The following RAMP1 variants were observed in gnomAD, a reference collection of about 807,000 sequenced individuals.
The protein encoded by RAMP1 is receptor activity modifying protein 1.
In RAMP1, 7 loss-of-function variants were observed where a neutral mutation model predicts 8.2. The ratio of observed to expected loss-of-function variants is 0.85; its 90% confidence interval spans 0.49 to 1.60. The LOEUF (loss-of-function observed/expected upper bound fraction) is 1.60. RAMP1 is among the 40% of genes most tolerant of loss of function. RAMP1 has a pLI of 0.00. For synonymous variants in RAMP1, 92 were observed against 84.7 expected (o/e 1.09, Z -0.47); for missense variants, 192 against 202.4 (o/e 0.95, Z 0.31).
chr2:237,867,215 A>G (rs1398161316), intron 1 of RAMP1, among the ~76,000 whole-genome samples: 1 of 152,110 alleles, frequency 6.6e-6, no homozygotes, highest in Non-Finnish European at 1.5e-5. Flanking sequence ...AGCGTGGGCA[A>G]TAGAGTGAGA....
chr2:237,896,840 A>T (rs1042768112), intron 2 of RAMP1, among the ~76,000 whole-genome samples: 1 of 150,816 alleles, frequency 6.6e-6, no homozygotes, highest in African/African-American at 2.5e-5. Flanking sequence ...GAGATGGGGG[A>T]GTCTCTCTGT....
At chr2:237,859,859 T>C (rs2062115462) in intron 1 of RAMP1, 132 bp downstream of exon 1, 3 of 880,226 alleles carry the variant, frequency 3.4e-6, no homozygotes, top group African/African-American at 1.8e-5. Context: ...ACAGATCCGC[T>C]GCCCTTGAAC....
intron 2 of RAMP1, among the ~76,000 whole-genome samples, chr2:237,896,596 T>C (rs1209199049): frequency 2.0e-5 from 3 of 152,338 alleles, no homozygotes; most frequent in Non-Finnish European, 4.4e-5. Context: ...CCTCGGGTGA[T>C]GTGAGAAGCA....
intron 2 of RAMP1, among the ~76,000 whole-genome samples, chr2:237,895,824 G>A (rs1279026912): frequency 1.3e-5 from 2 of 152,174 alleles, no homozygotes; most frequent in African/African-American, 4.8e-5. Flanking sequence ...CCCCCAGGGT[G>A]TTAGCATCCA....
At chr2:237,859,589 C>A (rs571831311), upstream of RAMP1, 147 of 1,010,764 alleles carry the variant, frequency 1.5e-4, 1 homozygote, top group African/African-American at 2.3e-3. Context: ...CCGCCCCCGG[C>A]GCGTCTCCTC....
intron 1 of RAMP1, among the ~76,000 whole-genome samples, chr2:237,868,197 C>T (rs907707153): frequency 6.6e-6 from 1 of 152,096 alleles, no homozygotes; most frequent in Admixed American, 6.6e-5. Context: ...GTGCCTGCCA[C>T]CATGTCCAGC....
At chr2:237,864,460 C>T (rs950583965) in intron 1 of RAMP1, among the ~76,000 whole-genome samples, 2 of 152,204 alleles carry the variant, frequency 1.3e-5, no homozygotes, top group Non-Finnish European at 2.9e-5. Context: ...TTTCTTGCCT[C>T]TGGAGGAGAC....
intron 2 of RAMP1, among the ~76,000 whole-genome samples, chr2:237,904,687 A>T (rs546195523): frequency 6.6e-6 from 1 of 152,326 alleles, no homozygotes; most frequent in African/African-American, 2.4e-5. Context: ...TTAGACACAC[A>T]TTGCCTGGTC....
intron 2 of RAMP1, among the ~76,000 whole-genome samples, chr2:237,894,618 C>G (rs995007251): frequency 6.6e-6 from 1 of 152,220 alleles, no homozygotes; most frequent in Non-Finnish European, 1.5e-5. Flanking sequence ...CCTGCCACCC[C>G]TCCATCCCAG....
intron 1 of RAMP1, among the ~76,000 whole-genome samples, chr2:237,871,518 T>C (rs1204135257): frequency 6.6e-6 from 1 of 152,126 alleles, no homozygotes; most frequent in African/African-American, 2.4e-5. Context: ...GAAGGGGCCC[T>C]GTTCAGGAGA....
At chr2:237,889,129 G>A (rs965662514) in intron 2 of RAMP1, among the ~76,000 whole-genome samples, 3 of 151,838 alleles carry the variant, frequency 2.0e-5, no homozygotes, top group Non-Finnish European at 4.4e-5. Context: ...TTCTTGTTTC[G>A]TTTGTGTGTC....
intron 2 of RAMP1, among the ~76,000 whole-genome samples, chr2:237,905,673 C>T (rs866267375): frequency 6.6e-6 from 1 of 152,144 alleles, no homozygotes; most frequent in Non-Finnish European, 1.5e-5. Flanking sequence ...AAACTGCCTG[C>T]GGGTTTGGTG....
At chr2:237,867,300 T>C (rs1032577351) in intron 1 of RAMP1, among the ~76,000 whole-genome samples, 5 of 151,822 alleles carry the variant, frequency 3.3e-5, no homozygotes, top group African/African-American at 1.2e-4. Flanking sequence ...AAGGTCTTCA[T>C]GTTGAGGAGG....
intron 2 of RAMP1, among the ~76,000 whole-genome samples, chr2:237,894,761 G>T (rs1291041292): frequency 2.0e-5 from 3 of 152,212 alleles, no homozygotes; most frequent in African/African-American, 7.2e-5. Context: ...GAGGCCCCTG[G>T]ACGGCTGGAA....
At chr2:237,905,032 T>C (rs36117252) in intron 2 of RAMP1, among the ~76,000 whole-genome samples, 31,574 of 152,050 alleles carry the variant, frequency 0.21, 3,788 homozygotes, top group South Asian at 0.35. Flanking sequence ...TGTCGGGCCT[T>C]GACTTGGGAC....
chr2:237,876,903 G>A (rs973245573), intron 1 of RAMP1, among the ~76,000 whole-genome samples: 1 of 152,194 alleles, frequency 6.6e-6, no homozygotes, highest in Non-Finnish European at 1.5e-5. Flanking sequence ...AACAGGGGCA[G>A]CCAGAGACTG....
intron 2 of RAMP1, among the ~76,000 whole-genome samples, chr2:237,906,312 G>A (rs2062650379): frequency 6.6e-6 from 1 of 152,094 alleles, no homozygotes; most frequent in Admixed American, 6.6e-5. Flanking sequence ...TCATCTACTA[G>A]GCCTCTTGGA....
At chr2:237,911,324 G>C (rs545166439) in intron 2 of RAMP1, among the ~76,000 whole-genome samples, 1 of 152,364 alleles carries the variant, frequency 6.6e-6, no homozygotes, top group African/African-American at 2.4e-5. Context: ...TGCACCACGG[G>C]CCGCCATGCA....
At chr2:237,889,200 C>A (rs149874952) in intron 2 of RAMP1, among the ~76,000 whole-genome samples, 1 of 152,280 alleles carries the variant, frequency 6.6e-6, no homozygotes, top group African/African-American at 2.4e-5. Flanking sequence ...ATGGATGCTC[C>A]CATTCACCCC....
Sources: allele counts gnomAD v4.1 joint callset (sites outside exome capture counted in the v4.1 genomes callset), GRCh38; gene constraint gnomAD v4.1.1; transcripts MANE v1.5; gene names NCBI Gene and HGNC (gene_info 2026-07-23, HGNC 2026-07-21).